The following DYSF variants were observed in gnomAD, a reference collection of about 807,000 sequenced individuals.
DYSF encodes dystrophy-associated fer-1-like 1.
Under a neutral mutation model 274.9 loss-of-function variants are expected in DYSF, and 212 were observed. The ratio of observed to expected loss-of-function variants is 0.77; its 90% CI spans 0.69 to 0.86. DYSF has a LOEUF of 0.86. Ranked by LOEUF, DYSF falls within the 40% of genes least tolerant of loss-of-function variation. The pLI is 0.00. For missense variants in DYSF, 2,666 were observed against 2,783.2 expected, an observed-to-expected ratio of 0.96 and a Z score of 0.95; for synonymous variants, 1,091 against 1,078.7, an observed-to-expected ratio of 1.01 and a Z score of -0.22.
chr2:71,682,987 T>G (rs1284925249), intron 55 of DYSF, among the ~76,000 whole-genome samples: 1 of 152,116 alleles, frequency 6.6e-6, no homozygotes, highest in Non-Finnish European at 1.5e-5. Context: ...TGAGGCCCTT[T>G]GGGTTGCGGT....
intron 17 of DYSF, among the ~76,000 whole-genome samples, chr2:71,543,664 A>G (rs1329574977): frequency 6.6e-6 from 1 of 152,238 alleles, no homozygotes; most frequent in African/African-American, 2.4e-5. Flanking sequence ...GCTGGAGACC[A>G]GCCCGGCCAA....
intron 17 of DYSF, among the ~76,000 whole-genome samples, chr2:71,540,875 T>C (rs1271531756): frequency 1.3e-5 from 2 of 152,178 alleles, no homozygotes; most frequent in Non-Finnish European, 2.9e-5. Context: ...GTTTTTGACC[T>C]ATAGAAATTT....
intron 41 of DYSF, among the ~76,000 whole-genome samples, chr2:71,621,646 T>C (rs2094103117): frequency 6.6e-6 from 1 of 150,684 alleles, no homozygotes; most frequent in South Asian, 2.1e-4. Context: ...ATGTATAATA[T>C]GTATGTTATG....
At chr2:71,660,788 A>C in intron 45 of DYSF, 137 bp downstream of exon 45, 2 of 757,168 alleles carry the variant, frequency 2.6e-6, no homozygotes, top group Non-Finnish European at 4.6e-6. Flanking sequence ...TTGCATGTCT[A>C]TGGGGGCATA....
intron 17 of DYSF, among the ~76,000 whole-genome samples, chr2:71,549,120 CA>C (rs1459542261): frequency 6.6e-6 from 1 of 152,172 alleles, no homozygotes; most frequent in East Asian, 1.9e-4. Flanking sequence ...GTGGGACCCC[CA>C]GGGCTCATGG....
At chr2:71,553,752 A>AAC in intron 20 of DYSF, 55 bp from the exon 21 acceptor site, 26 of 267,804 alleles carry the variant, frequency 9.7e-5, no homozygotes, top group Non-Finnish European at 1.5e-4. Flanking sequence ...TTAGCACCCC[A>AAC]TCCCACCCGC....
chr2:71,589,506 C>CCGAGTTAGAT (rs758009571), intron 30 of DYSF, 87 bp from the exon 31 acceptor site: 7 of 1,032,610 alleles, frequency 6.8e-6, no homozygotes, highest in Admixed American at 3.4e-5. Context: ...GATCTCCTGG[C>CCGAGTTAGAT]CCTGGGGATC....
At position 71,664,261 on chromosome 2, in the gene DYSF, CCTGCAGGATGTTCGAGCTGACCTGCACT is replaced by C. The variant is rs2094956186; in HGVS notation, c.5004-2_5029del. ...TGGCTGACATCGGGAATCTGCCCCT[CCTGCAGGATGTTCGAGCTGACCTGCACT>C]CTGCCTCTGGAGAAGGACCTAAAGA... is the stretch of plus-strand genomic sequence containing the variant. On this transcript the variant is annotated splice_acceptor_variant and splice_polypyrimidine_tract_variant and coding_sequence_variant and intron_variant, in exon 46 of 56. Transcript: ENST00000410020. LOFTEE classifies it high-confidence loss of function. The C allele has an allele frequency of 6.2e-7, 1 of 1,613,898 alleles. No homozygotes were observed. The highest frequency in any genetic ancestry group is 8.5e-7 in the Non-Finnish European group (1 of 1,179,958).
intron 42 of DYSF, among the ~76,000 whole-genome samples, chr2:71,655,669 A>T (rs1224154624): frequency 1.3e-5 from 2 of 152,258 alleles, no homozygotes; most frequent in African/African-American, 2.4e-5. Context: ...GATATCCTGT[A>T]TGTGAACATT....
chr2:71,486,632 A>T lies in DYSF; in HGVS notation c.239+4662A>T, dbSNP rs528867561. Among the ~76,000 whole-genome samples, 430 of 152,192 alleles carry T rather than the reference A, an allele frequency of 2.8e-3. 1 individual carries two copies. The highest frequency in any genetic ancestry group is 9.8e-3 in the African/African-American group (406 of 41,522). On this transcript the variant is annotated intron_variant, in intron 3 of 55. Coordinates refer to ENST00000410020, the MANE Select transcript of DYSF (RefSeq NM_001130987.2). ...TTCATGCCTCAGGAAGGAAATCTCC[A>T]TCTGGGAACTGTCTCTGGGCTGCTC...
chr2:71,513,385 C>T (rs1228123986), intron 6 of DYSF, 53 bp downstream of exon 6: 4 of 1,519,514 alleles, frequency 2.6e-6, no homozygotes, highest in Non-Finnish European at 2.7e-6. Context: ...GTAACTGTCT[C>T]ACTAGCTGCC....
At chr2:71,479,792 A>T (rs1216179562) in intron 1 of DYSF, among the ~76,000 whole-genome samples, 1 of 152,218 alleles carries the variant, frequency 6.6e-6, no homozygotes, top group Non-Finnish European at 1.5e-5. Flanking sequence ...CCTCAGAGCC[A>T]TTCTGCATTC....
chr2:71,621,492 C>T (rs2094098231), intron 41 of DYSF, among the ~76,000 whole-genome samples: 1 of 151,838 alleles, frequency 6.6e-6, no homozygotes, highest in African/African-American at 2.4e-5. Context: ...TTTGATGTGC[C>T]TAGATTTTTT....
chr2:71,640,893 T>G (rs1364792870), intron 41 of DYSF, among the ~76,000 whole-genome samples: 1 of 152,194 alleles, frequency 6.6e-6, no homozygotes, highest in Non-Finnish European at 1.5e-5. Context: ...GAAATGATCT[T>G]GGCCTCCTGT....
chr2:71,635,581 C>G (rs2094387101), intron 41 of DYSF, among the ~76,000 whole-genome samples: 1 of 152,064 alleles, frequency 6.6e-6, no homozygotes, highest in Admixed American at 6.5e-5. Flanking sequence ...AACCCCATCT[C>G]TACTAAAAAT....
rs72829766 is a variant in DYSF, at chr2:71,673,284, C to T, written c.5785-913C>T. Among the ~76,000 whole-genome samples, 9,356 of 152,256 alleles carry T rather than the reference C, an allele frequency of 0.061. 428 individuals are homozygous for T. Among genetic ancestry groups the T allele is most frequent in the Admixed American group, 0.12 (1,854 of 15,294 alleles). ...TTGAGTGTGGCTGGACTGAGGGGTG[C>T]TCCCCGGCCTCCGCATGTGCAGTCC... On this transcript the variant is annotated intron_variant, in intron 51 of 55. Coordinates refer to ENST00000410020, the MANE Select transcript of DYSF (RefSeq NM_001130987.2).
chr2:71,679,366 TC>T, intron 53 of DYSF, 131 bp downstream of exon 53: 4 of 885,596 alleles, frequency 4.5e-6, no homozygotes, highest in Non-Finnish European at 6.9e-6. Flanking sequence ...CCTGCCCCCA[TC>T]CCCCCTCTCT....
At chr2:71,544,200 T>C (rs1254652836) in intron 17 of DYSF, among the ~76,000 whole-genome samples, 1 of 152,152 alleles carries the variant, frequency 6.6e-6, no homozygotes. Flanking sequence ...CTCTCTGCCC[T>C]CTCCCTGCTT....
chr2:71,680,262 G>GT (rs1000737866), intron 53 of DYSF, among the ~76,000 whole-genome samples: 14 of 151,860 alleles, frequency 9.2e-5, no homozygotes, highest in South Asian at 2.1e-4. Flanking sequence ...TTTTAAATGT[G>GT]TTTTTTTTGT....
Sources: allele counts gnomAD v4.1 joint callset (sites outside exome capture counted in the v4.1 genomes callset), GRCh38; gene constraint gnomAD v4.1.1; transcripts MANE v1.5; gene names NCBI Gene and HGNC (gene_info 2026-07-23, HGNC 2026-07-21).